The following ZNF423 variants were observed in gnomAD, a reference collection of about 807,000 sequenced individuals.
ZNF423 encodes Ebf-associated zinc finger protein.
In ZNF423, 12 loss-of-function variants were observed where a neutral mutation model predicts 95.8. The observed-to-expected ratio is 0.13, with a 90% confidence interval of 0.08 to 0.20. The LOEUF (loss-of-function observed/expected upper bound fraction) is 0.20. ZNF423 is among the 10% of genes least tolerant of loss of function. The pLI, the probability that ZNF423 is intolerant of heterozygous loss-of-function variation, is 1.00. For synonymous variants in ZNF423, 749 were observed against 711.9 expected (o/e 1.05, Z -0.83); for missense variants, 1,316 against 1,737.1 (o/e 0.76, Z 4.31).
At chr16:49,553,751 T>C (rs911862658) in intron 5 of ZNF423, among the ~76,000 whole-genome samples, 1 of 152,156 alleles carries the variant, frequency 6.6e-6, no homozygotes, top group Non-Finnish European at 1.5e-5. Flanking sequence ...CCACTCTTAG[T>C]AGATTAGATG....
In ZNF423 at chr16:49,583,594, C is replaced by T. The variant is rs1004795050; in HGVS notation, c.3601+42576G>A. Among the ~76,000 whole-genome samples the T allele has an allele frequency of 3.3e-5, 5 of 152,182 alleles. No homozygotes were observed. The South Asian group carries it at 8.3e-4, about 25-fold the overall frequency. ...CATATTTCATATATATTCACACACACATATATATATACACATACATAAATA... is the reference window on the plus strand; with the variant it reads ...CATATTTCATATATATTCACACACATATATATATATACACATACATAAATA... On this transcript the variant is annotated intron_variant, in intron 5 of 7. Coordinates refer to ENST00000563137, the MANE Select transcript of ZNF423 (RefSeq NM_001379286.1).
chr16:49,494,900 C>T (rs1967098897), intron 7 of ZNF423, among the ~76,000 whole-genome samples: 1 of 152,240 alleles, frequency 6.6e-6, no homozygotes, highest in African/African-American at 2.4e-5. Context: ...TTCCATCCAG[C>T]ATAGTTCTCA....
At chr16:49,568,879 C>T (rs1437727675) in intron 5 of ZNF423, among the ~76,000 whole-genome samples, 8 of 152,108 alleles carry the variant, frequency 5.3e-5, no homozygotes. Flanking sequence ...TCACATCCTC[C>T]TCGTCTGCTC....
At chr16:49,651,013 TGG>T (rs1051110815) in intron 3 of ZNF423, among the ~76,000 whole-genome samples, 5 of 151,754 alleles carry the variant, frequency 3.3e-5, no homozygotes, top group Non-Finnish European at 7.4e-5. Context: ...CAGTCACTTT[TGG>T]CTTTTTTTTT....
At chr16:49,737,931 C>T (rs772190069) in intron 2 of ZNF423, among the ~76,000 whole-genome samples, 2 of 152,220 alleles carry the variant, frequency 1.3e-5, no homozygotes, top group African/African-American at 4.8e-5. Flanking sequence ...ACACTGAAAA[C>T]CTCCCAGCCA....
intron 1 of ZNF423, among the ~76,000 whole-genome samples, chr16:49,803,708 G>C (rs2034614572): frequency 6.6e-6 from 1 of 152,138 alleles, no homozygotes; most frequent in South Asian, 2.1e-4. Flanking sequence ...CAGGAGCTGA[G>C]TGAGTGAATG....
chr16:49,841,447 C>T (rs527416247), intron 1 of ZNF423, among the ~76,000 whole-genome samples: 18 of 152,184 alleles, frequency 1.2e-4, no homozygotes, highest in South Asian at 8.3e-4. Context: ...CCCACCTCAG[C>T]AGTCAAAAGC....
At chr16:49,578,414 G>T (rs906664522) in intron 5 of ZNF423, among the ~76,000 whole-genome samples, 1 of 152,090 alleles carries the variant, frequency 6.6e-6, no homozygotes, top group Non-Finnish European at 1.5e-5. Flanking sequence ...AAGAGAAACC[G>T]AGGGCTTTGG....
intron 5 of ZNF423, among the ~76,000 whole-genome samples, chr16:49,592,645 C>T (rs1011330330): frequency 6.6e-5 from 10 of 152,216 alleles, no homozygotes; most frequent in Non-Finnish European, 1.2e-4. Flanking sequence ...AGCCTATCCT[C>T]GTCACCCACA....
intron 5 of ZNF423, among the ~76,000 whole-genome samples, chr16:49,578,865 G>A (rs1244291660): frequency 6.6e-6 from 1 of 152,242 alleles, no homozygotes; most frequent in Admixed American, 6.5e-5. Flanking sequence ...CAGGAATGCA[G>A]TGTACTCCTG....
At chr16:49,663,487 GC>G (rs1331852067) in intron 3 of ZNF423, among the ~76,000 whole-genome samples, 1 of 152,018 alleles carries the variant, frequency 6.6e-6, no homozygotes, top group Non-Finnish European at 1.5e-5. Context: ...TTGGCATGCC[GC>G]CCCTGTGACT....
At chr16:49,554,524 G>C (rs1360456795) in intron 5 of ZNF423, among the ~76,000 whole-genome samples, 3 of 152,084 alleles carry the variant, frequency 2.0e-5, no homozygotes, top group African/African-American at 7.2e-5. Context: ...TGGGTGGTGA[G>C]CACCCAGGGT....
chr16:49,666,666 C>T (rs904553047), intron 3 of ZNF423, among the ~76,000 whole-genome samples: 4 of 152,232 alleles, frequency 2.6e-5, no homozygotes, highest in African/African-American at 9.6e-5. Context: ...ATACACACAG[C>T]TCCTCAAGCT....
At chr16:49,599,484 G>A (rs1030587828) in intron 5 of ZNF423, among the ~76,000 whole-genome samples, 1 of 152,184 alleles carries the variant, frequency 6.6e-6, no homozygotes. Flanking sequence ...ACCTGCAGAA[G>A]GTCACACAGC....
Position 49,822,675 on chromosome 16 carries a change from T to G in ZNF423, c.40+33060A>C, listed in dbSNP as rs1423494389. 6.8e-6 allele frequency: 11 copies of G among 1,612,000 alleles called. No homozygotes were observed. Among genetic ancestry groups the G allele is most frequent in the Non-Finnish European group, 9.3e-6 (11 of 1,179,212 alleles). ...CCAAGGCCTCCCCTGCTCACCCCTCTTCTTATGCATCCATGTCTTTCTTCT... is the reference window on the plus strand; with the variant it reads ...CCAAGGCCTCCCCTGCTCACCCCTCGTCTTATGCATCCATGTCTTTCTTCT... On this transcript the variant is annotated intron_variant, in intron 1 of 7. Coordinates refer to ENST00000563137, the MANE Select transcript of ZNF423 (RefSeq NM_001379286.1).
chr16:49,633,740 G>A (rs1596751655), intron 4 of ZNF423, among the ~76,000 whole-genome samples: 2 of 152,248 alleles, frequency 1.3e-5, no homozygotes, highest in Admixed American at 1.3e-4. Context: ...GCCCCTGGAG[G>A]GGGTCCTCCT....
At chr16:49,557,293 G>A (rs1009527799) in intron 5 of ZNF423, among the ~76,000 whole-genome samples, 6 of 152,200 alleles carry the variant, frequency 3.9e-5, no homozygotes, top group East Asian at 1.9e-4. Flanking sequence ...ACAAATGAGC[G>A]CCTGGCAGGA....
intron 4 of ZNF423, among the ~76,000 whole-genome samples, chr16:49,626,919 C>G (rs1972300732): frequency 7.6e-6 from 1 of 132,258 alleles, no homozygotes; most frequent in African/African-American, 3.1e-5. Flanking sequence ...ATCCATTCAT[C>G]TACATACACA....
intron 3 of ZNF423, among the ~76,000 whole-genome samples, chr16:49,678,256 A>G (rs1230593811): frequency 6.6e-6 from 1 of 152,060 alleles, no homozygotes; most frequent in Non-Finnish European, 1.5e-5. Flanking sequence ...CTATGCTGTT[A>G]GGACATAAAT....
Sources: gnomAD v4.1 joint callset for allele counts (sites outside exome capture counted in the v4.1 genomes callset) on GRCh38, gnomAD v4.1.1 for gene constraint, MANE v1.5 for transcripts, NCBI Gene and HGNC (gene_info 2026-07-23, HGNC 2026-07-21) for gene names.